The following CHM variants were observed in gnomAD, a reference collection of about 807,000 sequenced individuals.
The protein encoded by CHM is rab proteins geranylgeranyltransferase component A 1.
A neutral mutation model predicts 49.0 loss-of-function variants in CHM; 10 were observed. The ratio of observed to expected loss-of-function variants is 0.20; its 90% CI spans 0.13 to 0.35. CHM has a LOEUF of 0.35. Ranked by LOEUF, CHM falls within the 10% of genes least tolerant of loss-of-function variation. The pLI is 1.00. For missense variants in CHM, 455 were observed against 478.4 expected (o/e 0.95, Z 0.46); for synonymous variants, 184 against 167.5 (o/e 1.10, Z -0.76).
At chrX:85,903,872 T>C (rs1430670654) in intron 9 of CHM, among the ~76,000 whole-genome samples, 1 of 111,124 alleles carries the variant, frequency 9.0e-6, no homozygotes, top group Non-Finnish European at 1.9e-5. Context: ...GTCTGGTAGA[T>C]GATAATAACA....
chrX:85,897,005 T>C (rs1167175728), intron 11 of CHM, among the ~76,000 whole-genome samples: 2 of 95,767 alleles, frequency 2.1e-5, no homozygotes, highest in African/African-American at 7.7e-5. Context: ...AATTATATAA[T>C]ACATATAATA....
At chrX:85,937,858 G>C (rs1262002818) in intron 8 of CHM, among the ~76,000 whole-genome samples, 1 of 102,579 alleles carries the variant, frequency 9.7e-6, no homozygotes, top group East Asian at 3.0e-4. Flanking sequence ...AAAAAAAAAA[G>C]GAAATTAAAC....
At chrX:86,013,954 G>C (rs748602283) in intron 2 of CHM, among the ~76,000 whole-genome samples, 2 of 111,722 alleles carry the variant, frequency 1.8e-5, no homozygotes, top group South Asian at 7.5e-4. Flanking sequence ...GGCTTTGCAG[G>C]CCACACAGCC....
chrX:85,958,614 G>A (rs1050279908), intron 6 of CHM, among the ~76,000 whole-genome samples: 2 of 111,528 alleles, frequency 1.8e-5, no homozygotes, highest in Non-Finnish European at 3.8e-5. Context: ...CTAGTCTTGG[G>A]TATAGTAACT....
chrX:85,957,828 G>C, intron 7 of CHM, 27 bp downstream of exon 7: 1 of 1,190,611 alleles, frequency 8.4e-7, no homozygotes, highest in Non-Finnish European at 1.1e-6. Flanking sequence ...CAAATAATTG[G>C]AGAGCACTAC....
At chrX:85,960,477 G>A (rs1003389984) in intron 5 of CHM, among the ~76,000 whole-genome samples, 2 of 109,841 alleles carry the variant, frequency 1.8e-5, no homozygotes, top group South Asian at 4.0e-4. Context: ...AGGCTGGAGT[G>A]CAGTGGCTCA....
chrX:85,900,775 T>A, intron 10 of CHM, 66 bp from the exon 11 acceptor site: 1 of 800,999 alleles, frequency 1.2e-6, no homozygotes, highest in Non-Finnish European at 1.9e-6. Context: ...TATAGTTATA[T>A]AACCACCAGA....
intron 4 of CHM, among the ~76,000 whole-genome samples, chrX:85,964,737 G>T (rs1158631984): frequency 1.8e-5 from 2 of 112,143 alleles, no homozygotes; most frequent in Admixed American, 9.4e-5. Context: ...TTTTAGTACT[G>T]ATGTCTATTA....
intron 4 of CHM, among the ~76,000 whole-genome samples, chrX:85,975,188 T>C (rs1398068443): frequency 8.9e-6 from 1 of 112,137 alleles, no homozygotes; most frequent in African/African-American, 3.2e-5. Context: ...TACACATTTC[T>C]GGTGGGAATG....
rs1156813228 is a variant in CHM at position 85,878,972 on chromosome X, C to A, written c.1602G>T (p.Met534Ile). ...VQKLFVPYTE[M>I]EIENEQVEKP... The stretch of plus-strand genomic sequence containing the variant: ...ATCAATTATTTTTCTTACCTATCTC[C>A]ATTTCAGTATATGGAACAAACAATT... Residue 534 changes from methionine to isoleucine, a missense_variant, in exon 13 of 15, where the codon ATG becomes ATT. Transcript: ENST00000357749. The A allele has an allele frequency of 1.7e-6, 2 of 1,164,919 alleles. No homozygotes were observed. Among genetic ancestry groups the A allele is most frequent in the African/African-American group, 3.6e-5 (2 of 56,272 alleles).
chrX:85,985,897 G>A (rs1038822531), intron 2 of CHM, among the ~76,000 whole-genome samples: 1 of 111,328 alleles, frequency 9.0e-6, no homozygotes, highest in Non-Finnish European at 1.9e-5. Context: ...TCCAGTCCTG[G>A]GTCACCAGCT....
At chrX:85,918,413 TA>T (rs775659278) in intron 8 of CHM, among the ~76,000 whole-genome samples, 38 of 111,716 alleles carry the variant, frequency 3.4e-4, no homozygotes, top group Non-Finnish European at 4.9e-4. Flanking sequence ...AGGACCTAAA[TA>T]TGGAAAAGAA....
intron 2 of CHM, among the ~76,000 whole-genome samples, chrX:85,992,113 A>G (rs1242632074): frequency 8.9e-6 from 1 of 111,846 alleles, no homozygotes; most frequent in Non-Finnish European, 1.9e-5. Flanking sequence ...AATTATAAAC[A>G]TAAGCATATA....
chrX:85,950,015 T>C (rs1929658399), intron 8 of CHM, among the ~76,000 whole-genome samples: 1 of 44,781 alleles, frequency 2.2e-5, no homozygotes, highest in East Asian at 5.9e-4. Flanking sequence ...ATATATCTTG[T>C]AATGGTATCA....
intron 1 of CHM, among the ~76,000 whole-genome samples, chrX:86,030,754 T>C (rs1466913778): frequency 9.1e-6 from 1 of 110,301 alleles, no homozygotes; most frequent in Non-Finnish European, 1.9e-5. Context: ...CTAACAACCC[T>C]AACTGAGGAG....
At chrX:85,924,840 G>A (rs1385222739) in intron 8 of CHM, among the ~76,000 whole-genome samples, 2 of 111,599 alleles carry the variant, frequency 1.8e-5, no homozygotes, top group Admixed American at 1.9e-4. Context: ...TAATCATCAT[G>A]CTTAATCTAG....
intron 4 of CHM, among the ~76,000 whole-genome samples, chrX:85,967,442 CAAT>C: frequency 8.9e-6 from 1 of 111,844 alleles, no homozygotes; most frequent in African/African-American, 3.2e-5. Flanking sequence ...TAAGATATTA[CAAT>C]GATTTTAACA....
intron 1 of CHM, among the ~76,000 whole-genome samples, chrX:86,034,316 T>C (rs1934153030): frequency 8.9e-6 from 1 of 111,967 alleles, no homozygotes; most frequent in South Asian, 3.7e-4. Flanking sequence ...GCAGCAGTTG[T>C]TGAATCTCCC....
intron 12 of CHM, among the ~76,000 whole-genome samples, chrX:85,889,155 T>C (rs777475810): frequency 8.9e-6 from 1 of 111,737 alleles, no homozygotes; most frequent in Admixed American, 9.5e-5. Context: ...ATGAAGACTA[T>C]TTACAATTTA....
Sources: allele counts gnomAD v4.1 joint callset (sites outside exome capture counted in the v4.1 genomes callset), GRCh38; gene constraint gnomAD v4.1.1; transcripts MANE v1.5; gene names NCBI Gene and HGNC (gene_info 2026-07-23, HGNC 2026-07-21).